The following SPTBN1 variants were observed in gnomAD, a reference collection of about 807,000 sequenced individuals.
SPTBN1 encodes spectrin beta chain, non-erythrocytic 1.
A neutral mutation model predicts 266.4 loss-of-function variants in SPTBN1; 32 were observed. That is an observed-to-expected ratio of 0.12 (90% CI 0.09 to 0.16). The LOEUF (loss-of-function observed/expected upper bound fraction) is 0.16, where lower values mean the gene tolerates loss of function less well. Ranked by LOEUF, SPTBN1 falls within the 10% of genes least tolerant of loss-of-function variation. The pLI is 1.00. For missense variants in SPTBN1, 2,296 were observed against 3,067.1 expected (o/e 0.75, Z 5.94); for synonymous variants, 1,336 against 1,162.2 (o/e 1.15, Z -3.04).
intron 2 of SPTBN1, among the ~76,000 whole-genome samples, chr2:54,588,058 G>A (rs1037593738): frequency 2.6e-5 from 4 of 152,084 alleles, no homozygotes; most frequent in Non-Finnish European, 4.4e-5. Context: ...ATGGGATGTG[G>A]GATCAACAGT....
chr2:54,485,158 C>T (rs116332364), intron 1 of SPTBN1, among the ~76,000 whole-genome samples: 6,925 of 151,944 alleles, frequency 0.046, 232 homozygotes, highest in South Asian at 0.11. Flanking sequence ...CTCCCTCTCC[C>T]TCTCCCTCTC....
chr2:54,495,243 A>G (rs1668903673), intron 1 of SPTBN1, among the ~76,000 whole-genome samples: 1 of 152,188 alleles, frequency 6.6e-6, no homozygotes, highest in Non-Finnish European at 1.5e-5. Context: ...AAAGCGTTGT[A>G]CATCACTGAC....
At chr2:54,572,148 C>T (rs938201673) in intron 2 of SPTBN1, among the ~76,000 whole-genome samples, 4 of 152,030 alleles carry the variant, frequency 2.6e-5, no homozygotes, top group Non-Finnish European at 4.4e-5. Context: ...AGGGAAGCCA[C>T]GGTACTAAGG....
chr2:54,509,904 A>G (rs1211624728), intron 1 of SPTBN1, among the ~76,000 whole-genome samples: 1 of 151,138 alleles, frequency 6.6e-6, no homozygotes, highest in Non-Finnish European at 1.5e-5. Context: ...TTCTTTGTGC[A>G]AATGGGTGGG....
chr2:54,557,927 A>G (rs1672985783), intron 2 of SPTBN1: 2 of 985,346 alleles, frequency 2.0e-6, no homozygotes, highest in Non-Finnish European at 2.4e-6. Context: ...GGTTGGCGCC[A>G]GCGCACTGGG....
At chr2:54,502,015 T>C (rs563766415) in intron 1 of SPTBN1, among the ~76,000 whole-genome samples, 3 of 152,358 alleles carry the variant, frequency 2.0e-5, no homozygotes, top group East Asian at 3.9e-4. Context: ...TTTGGTTCAT[T>C]TCCAGACCTG....
chr2:54,457,465 C>A (rs1432282894), intron 1 of SPTBN1, among the ~76,000 whole-genome samples: 2 of 152,132 alleles, frequency 1.3e-5, no homozygotes, highest in South Asian at 2.1e-4. Context: ...CATTATTTTT[C>A]CAATCGAAAG....
chr2:54,475,781 A>G (rs1452786610), intron 1 of SPTBN1, among the ~76,000 whole-genome samples: 2 of 152,242 alleles, frequency 1.3e-5, no homozygotes, highest in East Asian at 3.8e-4. Context: ...TGTTATTAAC[A>G]GTATGAATTT....
intron 32 of SPTBN1, chr2:54,662,117 CA>C: frequency 1.0e-6 from 1 of 985,320 alleles, no homozygotes; most frequent in South Asian, 4.7e-5. Flanking sequence ...CGGGTGTGCC[CA>C]GCCACTAAAG....
intron 6 of SPTBN1, 142 bp from the exon 7 acceptor site, chr2:54,617,936 T>G (rs1242898325): frequency 7.0e-6 from 5 of 713,486 alleles, no homozygotes; most frequent in South Asian, 2.0e-5. Flanking sequence ...TTTCATTGTT[T>G]GATGATTCCA....
At chr2:54,529,778 A>T in intron 2 of SPTBN1, 1 of 515,774 alleles carries the variant, frequency 1.9e-6, no homozygotes. Context: ...GATGCTTTGG[A>T]TGTTGCCAAC....
chr2:54,615,022 T>C (rs1485428069), intron 4 of SPTBN1, among the ~76,000 whole-genome samples: 1 of 152,090 alleles, frequency 6.6e-6, no homozygotes, highest in Non-Finnish European at 1.5e-5. Flanking sequence ...ACCCCTTGAG[T>C]GAGGGTTGTT....
chr2:54,619,388 TTC>T (rs1210557389), intron 7 of SPTBN1, among the ~76,000 whole-genome samples: 1 of 152,266 alleles, frequency 6.6e-6, no homozygotes, highest in Non-Finnish European at 1.5e-5. Context: ...TTAGCCCTAG[TTC>T]TTTGTGCTTT....
intron 26 of SPTBN1, 93 bp downstream of exon 26, chr2:54,650,082 T>G: frequency 1.4e-6 from 2 of 1,466,726 alleles, no homozygotes; most frequent in Non-Finnish European, 1.8e-6. Context: ...TCCTTGGCTC[T>G]TCAAAAGAAT....
At chr2:54,502,403 C>T (rs1231404497) in intron 1 of SPTBN1, among the ~76,000 whole-genome samples, 1 of 152,046 alleles carries the variant, frequency 6.6e-6, no homozygotes, top group Non-Finnish European at 1.5e-5. Flanking sequence ...ACCCAGCCCT[C>T]TGTGAAGGGT....
chr2:54,577,504 C>G (rs960794739), intron 2 of SPTBN1, among the ~76,000 whole-genome samples: 1 of 152,196 alleles, frequency 6.6e-6, no homozygotes. Flanking sequence ...AAGTAGGTCC[C>G]TACCTAAAGT....
At chr2:54,599,598 A>G (rs1045583678) in intron 3 of SPTBN1, among the ~76,000 whole-genome samples, 1 of 152,188 alleles carries the variant, frequency 6.6e-6, no homozygotes, top group African/African-American at 2.4e-5. Flanking sequence ...CGATGATGGA[A>G]TGTTTTCTAA....
intron 2 of SPTBN1, among the ~76,000 whole-genome samples, chr2:54,572,024 C>G (rs1674118404): frequency 6.6e-6 from 1 of 152,118 alleles, no homozygotes. Flanking sequence ...CTCCCCTCAT[C>G]CCCTTAAAGC....
intron 1 of SPTBN1, among the ~76,000 whole-genome samples, chr2:54,465,639 C>CATATATATATATATATATATAT (rs70944167): frequency 6.0e-4 from 70 of 116,312 alleles, no homozygotes; most frequent in South Asian, 1.2e-3. Flanking sequence ...ATGTTTATCT[C>CATATATATATATATATATATAT]ATATATATAT....
Sources: allele counts gnomAD v4.1 joint callset (sites outside exome capture counted in the v4.1 genomes callset), GRCh38; gene constraint gnomAD v4.1.1; transcripts MANE v1.5; gene names NCBI Gene and HGNC (gene_info 2026-07-23, HGNC 2026-07-21).